The following GALNT13 variants were observed in gnomAD, a reference collection of about 807,000 sequenced individuals.
The protein encoded by GALNT13 is UDP-GalNAc:polypeptide N-acetylgalactosaminyltransferase 13.
In GALNT13, 28 loss-of-function variants were observed where a neutral mutation model predicts 64.2. The observed-to-expected ratio is 0.44, with a 90% CI of 0.32 to 0.60. The LOEUF (loss-of-function observed/expected upper bound fraction) is 0.60. GALNT13 is among the 20% of genes least tolerant of loss of function. The pLI is 0.05. For missense variants in GALNT13, 577 were observed against 669.8 expected, an observed-to-expected ratio of 0.86 and a Z score of 1.53; for synonymous variants, 214 against 224.6, an observed-to-expected ratio of 0.95 and a Z score of 0.42.
the GALNT13 span, among the ~76,000 whole-genome samples, chr2:153,435,950 T>C: frequency 6.6e-6 from 1 of 152,142 alleles, no homozygotes; most frequent in Non-Finnish European, 1.5e-5. Flanking sequence ...TTCAGTATGA[T>C]ATTGGCTGTG....
chr2:154,299,291 G>A (rs1474212473), intron 8 of GALNT13, among the ~76,000 whole-genome samples: 3 of 151,628 alleles, frequency 2.0e-5, no homozygotes, highest in Non-Finnish European at 4.4e-5. Context: ...AAAGATACAA[G>A]GGATATAATG....
At chr2:153,805,421 CACAG>C in the GALNT13 span, among the ~76,000 whole-genome samples, 2 of 151,976 alleles carry the variant, frequency 1.3e-5, no homozygotes, top group Admixed American at 1.3e-4. Flanking sequence ...ATATAAAGGT[CACAG>C]ACAAACTTTT....
At chr2:154,011,378 T>C (rs903804707) in intron 3 of GALNT13, among the ~76,000 whole-genome samples, 5 of 152,196 alleles carry the variant, frequency 3.3e-5, no homozygotes, top group Non-Finnish European at 5.9e-5. Context: ...TTCATGTAAT[T>C]GTATGGTTTT....
the GALNT13 span, among the ~76,000 whole-genome samples, chr2:153,864,453 G>A: frequency 6.6e-6 from 1 of 152,000 alleles, no homozygotes; most frequent in African/African-American, 2.4e-5. Flanking sequence ...CTCATGATTT[G>A]GCTCTCTGTT....
intron 11 of GALNT13, among the ~76,000 whole-genome samples, chr2:154,419,290 A>G (rs187470352): frequency 6.6e-6 from 1 of 152,264 alleles, no homozygotes; most frequent in East Asian, 1.9e-4. Flanking sequence ...TCTAGCATAG[A>G]AATGTTAAAT....
At chr2:154,394,454 C>T (rs707052) in intron 9 of GALNT13, among the ~76,000 whole-genome samples, 151,200 of 152,256 alleles carry the variant, frequency 0.99, 75,084 homozygotes, top group Middle Eastern at 1. Flanking sequence ...TTAAATAAGC[C>T]ACCTCAATTA....
intron 3 of GALNT13, among the ~76,000 whole-genome samples, chr2:154,033,170 A>G (rs1054750287): frequency 6.6e-6 from 1 of 152,040 alleles, no homozygotes; most frequent in Admixed American, 6.6e-5. Flanking sequence ...CACACCTTAT[A>G]TAAAGGTTAA....
the GALNT13 span, among the ~76,000 whole-genome samples, chr2:153,095,113 G>C: frequency 6.6e-6 from 1 of 152,244 alleles, no homozygotes; most frequent in Middle Eastern, 3.4e-3. Context: ...CCTACAGAAT[G>C]GGAGAAAATT....
At chr2:154,408,673 A>G (rs570029097) in intron 10 of GALNT13, among the ~76,000 whole-genome samples, 12 of 152,142 alleles carry the variant, frequency 7.9e-5, no homozygotes, top group Non-Finnish European at 1.2e-4. Context: ...GATTTGGGGA[A>G]GAATTCCTAA....
At chr2:153,850,777 A>C in the GALNT13 span, among the ~76,000 whole-genome samples, 1 of 152,232 alleles carries the variant, frequency 6.6e-6, no homozygotes, top group Non-Finnish European at 1.5e-5. Flanking sequence ...GGATGAGATT[A>C]GCTGCAGACA....
chr2:153,375,321 T>C, the GALNT13 span, among the ~76,000 whole-genome samples: 1 of 152,268 alleles, frequency 6.6e-6, no homozygotes, highest in South Asian at 2.1e-4. Context: ...AAAAAAATAC[T>C]TTTTTTGACA....
chr2:153,639,892 T>G, the GALNT13 span, among the ~76,000 whole-genome samples: 1 of 152,174 alleles, frequency 6.6e-6, no homozygotes, highest in Non-Finnish European at 1.5e-5. Context: ...ATCTGAGGAC[T>G]AGAGTCTTCA....
chr2:153,813,948 G>C, the GALNT13 span, among the ~76,000 whole-genome samples: 5 of 152,274 alleles, frequency 3.3e-5, no homozygotes, highest in Admixed American at 3.3e-4. Context: ...GCACTTTGGT[G>C]CTCCCTGATG....
chr2:153,786,262 C>T, the GALNT13 span, among the ~76,000 whole-genome samples: 1 of 152,106 alleles, frequency 6.6e-6, no homozygotes, highest in Non-Finnish European at 1.5e-5. Context: ...ATTACCCTAA[C>T]AGTCCTTGGG....
chr2:153,697,384 A>G, the GALNT13 span, among the ~76,000 whole-genome samples: 3 of 152,326 alleles, frequency 2.0e-5, no homozygotes, highest in South Asian at 2.1e-4. Context: ...GAGAGATAAG[A>G]GCATCCTGGC....
intron 3 of GALNT13, among the ~76,000 whole-genome samples, chr2:154,082,398 T>C (rs965218935): frequency 6.6e-6 from 1 of 151,688 alleles, no homozygotes; most frequent in African/African-American, 2.4e-5. Flanking sequence ...TTATTGATTC[T>C]GTTGATTAAG....
At chr2:153,880,784 T>C (rs1278126803) in intron 1 of GALNT13, among the ~76,000 whole-genome samples, 1 of 152,096 alleles carries the variant, frequency 6.6e-6, no homozygotes, top group Non-Finnish European at 1.5e-5. Flanking sequence ...TTAAGGTAAA[T>C]ACTGTATTTA....
the GALNT13 span, among the ~76,000 whole-genome samples, chr2:153,656,339 T>TGTGCGC: frequency 4.2e-5 from 6 of 141,580 alleles, no homozygotes; most frequent in East Asian, 2.0e-4. Context: ...TGTGTGTGTG[T>TGTGCGC]GCGCGCGCAC....
At chr2:153,403,704 G>C in the GALNT13 span, among the ~76,000 whole-genome samples, 1 of 152,156 alleles carries the variant, frequency 6.6e-6, no homozygotes, top group Admixed American at 6.5e-5. Context: ...GGTGCTGTCC[G>C]TCACCCCTTT....
Sources: gnomAD v4.1 joint callset for allele counts (sites outside exome capture counted in the v4.1 genomes callset) on GRCh38, gnomAD v4.1.1 for gene constraint, MANE v1.5 for transcripts, NCBI Gene and HGNC (gene_info 2026-07-23, HGNC 2026-07-21) for gene names.